The following ESRRG variants were observed in gnomAD, a reference collection of about 807,000 sequenced individuals.
ESRRG encodes the protein estrogen related receptor gamma, also known as estrogen-related receptor gamma.
Under a neutral mutation model 44.0 loss-of-function variants are expected in ESRRG, and 13 were observed. The ratio of observed to expected loss-of-function variants is 0.30; its 90% CI spans 0.19 to 0.47. The LOEUF (loss-of-function observed/expected upper bound fraction) is 0.47. Ranked by LOEUF, ESRRG falls within the 20% of genes least tolerant of loss-of-function variation. The pLI, the probability that ESRRG is intolerant of heterozygous loss-of-function variation, is 1.00. For synonymous variants in ESRRG, 215 were observed against 214.6 expected, an observed-to-expected ratio of 1.00 and a Z score of -0.02; for missense variants, 395 against 580.6, an observed-to-expected ratio of 0.68 and a Z score of 3.29.
chr1:216,542,072 C>CAGATAGAGAGAGAG (rs2053006014), intron 5 of ESRRG, among the ~76,000 whole-genome samples: 2 of 139,846 alleles, frequency 1.4e-5, no homozygotes, highest in Non-Finnish European at 3.2e-5. Flanking sequence ...GTGTCTATGA[C>CAGATAGAGAGAGAG]AGAGAGAGAG....
At chr1:216,962,042 T>TTACAGCCA (rs1220492019) in intron 1 of ESRRG, among the ~76,000 whole-genome samples, 1 of 112,100 alleles carries the variant, frequency 8.9e-6, no homozygotes, top group East Asian at 2.1e-4. Context: ...GACATAATTG[T>TTACAGCCA]TACAGCCATA....
intron 1 of ESRRG, among the ~76,000 whole-genome samples, chr1:216,975,225 T>C (rs1051897033): frequency 6.6e-6 from 1 of 152,240 alleles, no homozygotes; most frequent in Non-Finnish European, 1.5e-5. Flanking sequence ...GATTGCTTTA[T>C]CAGCCAAGGA....
intron 2 of ESRRG, among the ~76,000 whole-genome samples, chr1:216,674,334 A>T (rs2151445496): frequency 6.6e-6 from 1 of 152,338 alleles, no homozygotes; most frequent in Admixed American, 6.5e-5. Context: ...AAACTTAAGT[A>T]TTCTGAGGTT....
intron 5 of ESRRG, among the ~76,000 whole-genome samples, chr1:216,547,239 T>C (rs1304022167): frequency 7.3e-6 from 1 of 136,284 alleles, no homozygotes; most frequent in Non-Finnish European, 1.6e-5. Flanking sequence ...TGTAGCTGGA[T>C]GATGTTGATG....
chr1:216,983,668 C>A (rs1447289983), intron 1 of ESRRG, among the ~76,000 whole-genome samples: 1 of 134,948 alleles, frequency 7.4e-6, no homozygotes, highest in Admixed American at 8.2e-5. Context: ...TAAAATAATC[C>A]CTTTCGCGTG....
At chr1:216,825,898 A>C (rs1267003014) in intron 2 of ESRRG, among the ~76,000 whole-genome samples, 5 of 152,296 alleles carry the variant, frequency 3.3e-5, no homozygotes, top group Admixed American at 3.3e-4. Flanking sequence ...GATTTAAACT[A>C]AATCTATTAG....
chr1:216,742,169 T>G (rs1009432040), intron 2 of ESRRG, among the ~76,000 whole-genome samples: 1 of 152,196 alleles, frequency 6.6e-6, no homozygotes, highest in African/African-American at 2.4e-5. Flanking sequence ...ACCAAATGCA[T>G]TCTTATTTCC....
intron 1 of ESRRG, among the ~76,000 whole-genome samples, chr1:217,127,424 T>G (rs2092907287): frequency 1.3e-5 from 2 of 152,210 alleles, no homozygotes; most frequent in Admixed American, 1.3e-4. Context: ...CACCTCCAGC[T>G]GATGGTTGCC....
chr1:216,730,232 G>A (rs1200352927), intron 2 of ESRRG, among the ~76,000 whole-genome samples: 1 of 144,744 alleles, frequency 6.9e-6, no homozygotes, highest in Non-Finnish European at 1.5e-5. Context: ...AGCCAAGGGA[G>A]TTCTGAACCT....
intron 2 of ESRRG, among the ~76,000 whole-genome samples, chr1:216,820,937 C>T (rs947857842): frequency 6.6e-5 from 10 of 152,188 alleles, no homozygotes; most frequent in African/African-American, 1.9e-4. Flanking sequence ...ACGAACTTTG[C>T]TTTCCCTGCC....
chr1:216,695,152 A>G (rs1226882808), intron 1 of ESRRG, among the ~76,000 whole-genome samples: 1 of 152,136 alleles, frequency 6.6e-6, no homozygotes. Context: ...TACAAATAAT[A>G]TATAATAATT....
intron 2 of ESRRG, among the ~76,000 whole-genome samples, chr1:216,867,006 G>T (rs1171906952): frequency 1.3e-5 from 2 of 152,178 alleles, no homozygotes; most frequent in Admixed American, 1.3e-4. Context: ...ATGATGAAAA[G>T]ATATATTTGG....
chr1:216,566,181 T>C (rs1010794726), intron 4 of ESRRG, among the ~76,000 whole-genome samples: 11 of 152,178 alleles, frequency 7.2e-5, no homozygotes, highest in Non-Finnish European at 1.5e-4. Context: ...TTTTCATTCT[T>C]GGTTCTTTGT....
At chr1:216,822,094 C>T (rs1034294922) in intron 2 of ESRRG, among the ~76,000 whole-genome samples, 2 of 152,102 alleles carry the variant, frequency 1.3e-5, no homozygotes, top group Non-Finnish European at 2.9e-5. Context: ...GGACCTTCTA[C>T]ATTTCTCTAT....
chr1:217,096,932 T>G (rs2092433790), intron 1 of ESRRG, among the ~76,000 whole-genome samples: 1 of 152,100 alleles, frequency 6.6e-6, no homozygotes, highest in African/African-American at 2.4e-5. Flanking sequence ...ATGCTTAAGA[T>G]GAATTGGAAA....
At chr1:217,091,206 G>T (rs1460167417), upstream of ESRRG, among the ~76,000 whole-genome samples, 1 of 152,080 alleles carries the variant, frequency 6.6e-6, no homozygotes, top group Non-Finnish European at 1.5e-5. Flanking sequence ...CCTGTAGTTG[G>T]CCTTTGTCAC....
At chr1:216,568,197 A>G (rs1173050587) in intron 3 of ESRRG, 99 bp from the exon 4 acceptor site, 1 of 834,706 alleles carries the variant, frequency 1.2e-6, no homozygotes, top group Non-Finnish European at 2.1e-6. Flanking sequence ...TAGGTGACAA[A>G]CAGTAGAATG....
At chr1:217,125,064 A>G (rs2092870815) in intron 1 of ESRRG, among the ~76,000 whole-genome samples, 1 of 152,190 alleles carries the variant, frequency 6.6e-6, no homozygotes, top group African/African-American at 2.4e-5. Context: ...AGGGCCTCTG[A>G]AGACAGCTCA....
At chr1:216,835,662 G>GGA (rs2095553653) in intron 2 of ESRRG, among the ~76,000 whole-genome samples, 1 of 152,190 alleles carries the variant, frequency 6.6e-6, no homozygotes. Context: ...AGGTGAGAGA[G>GGA]GAGAGAAGAT....
Sources: gnomAD v4.1 joint callset for allele counts (sites outside exome capture counted in the v4.1 genomes callset) on GRCh38, gnomAD v4.1.1 for gene constraint, MANE v1.5 for transcripts, NCBI Gene and HGNC (gene_info 2026-07-23, HGNC 2026-07-21) for gene names.